Variants in CYP2C19 observed in about 807,000 individuals in gnomAD.
The protein encoded by CYP2C19 is cytochrome P450 2C19.
In CYP2C19, 59 loss-of-function variants were observed where a neutral mutation model predicts 40.9. That is an observed-to-expected ratio of 1.44 (90% CI 1.17 to 1.79). The LOEUF (loss-of-function observed/expected upper bound fraction) is 1.79. Among genes scored for constraint, CYP2C19 ranks in the 40% most tolerant of loss-of-function variants. The probability of loss-of-function intolerance (pLI) is 0.00; values close to 1 mark genes in which losing one functional copy is unlikely to be tolerated. For synonymous variants in CYP2C19, 253 were observed against 208.7 expected, an observed-to-expected ratio of 1.21 and a Z score of -1.83; for missense variants, 754 against 596.9, an observed-to-expected ratio of 1.26 and a Z score of -2.74.
chr10:94,849,030 C>T (rs181417907), intron 7 of CYP2C19, among the ~76,000 whole-genome samples: 3 of 152,252 alleles, frequency 2.0e-5, no homozygotes, highest in Admixed American at 6.5e-5. Context: ...CAAACAGGGA[C>T]AATTAGACTT....
At chr10:94,818,255 G>T (rs1849044373) in intron 5 of CYP2C19, among the ~76,000 whole-genome samples, 1 of 146,552 alleles carries the variant, frequency 6.8e-6, no homozygotes. Flanking sequence ...CTATATCTCT[G>T]TTTTGGTACC....
intron 5 of CYP2C19, among the ~76,000 whole-genome samples, chr10:94,785,033 T>C (rs536179113): frequency 3.5e-4 from 53 of 152,286 alleles, no homozygotes; most frequent in African/African-American, 1.3e-3. Context: ...TTTTTCTTTT[T>C]AAGCTATTAG....
intron 5 of CYP2C19, among the ~76,000 whole-genome samples, chr10:94,792,190 C>T (rs1227859112): frequency 2.0e-5 from 3 of 152,198 alleles, no homozygotes; most frequent in African/African-American, 7.2e-5. Flanking sequence ...GCAACCCCTG[C>T]ATTTTTTTGC....
At chr10:94,821,058 G>T (rs1439908518) in intron 6 of CYP2C19, among the ~76,000 whole-genome samples, 1 of 152,068 alleles carries the variant, frequency 6.6e-6, no homozygotes, top group Non-Finnish European at 1.5e-5. Flanking sequence ...ACTCTAGCCT[G>T]GGTGACAGAG....
intron 5 of CYP2C19, among the ~76,000 whole-genome samples, chr10:94,793,183 A>G (rs1365822094): frequency 6.6e-6 from 1 of 152,048 alleles, no homozygotes; most frequent in Non-Finnish European, 1.5e-5. Context: ...CATAGTTCTC[A>G]TGACATGGTT....
At position 94,805,099 on chromosome 10, in the gene CYP2C19, G is replaced by A. The variant is rs1291847481; in HGVS notation, c.820-15397G>A. ...AGAACTTCCAATACTATATTTAATAGTAGTAAAAGTGGACATCCTTGTTTT... is the reference window on the plus strand; with the variant it reads ...AGAACTTCCAATACTATATTTAATAATAGTAAAAGTGGACATCCTTGTTTT... On this transcript the variant is annotated intron_variant, in intron 5 of 8. Coordinates refer to ENST00000371321, the MANE Select transcript of CYP2C19 (RefSeq NM_000769.4). Among the ~76,000 whole-genome samples, 3 of 151,992 alleles carry A rather than the reference G, an allele frequency of 2.0e-5. No homozygotes were observed. In the East Asian group the frequency reaches 5.8e-4, roughly 29 times the overall value.
At chr10:94,820,700 G>T in intron 6 of CYP2C19, 63 bp downstream of exon 6, 1 of 1,595,760 alleles carries the variant, frequency 6.3e-7, no homozygotes. Flanking sequence ...TGCTGCTAGT[G>T]TTCTCCTTTC....
At chr10:94,823,963 G>A (rs1849170321) in intron 6 of CYP2C19, among the ~76,000 whole-genome samples, 1 of 152,200 alleles carries the variant, frequency 6.6e-6, no homozygotes, top group Admixed American at 6.5e-5. Flanking sequence ...TCAGAAGTGA[G>A]ATGAGACAGC....
chr10:94,852,384 C>A (rs995042944), intron 8 of CYP2C19, among the ~76,000 whole-genome samples: 1 of 152,168 alleles, frequency 6.6e-6, no homozygotes, highest in East Asian at 1.9e-4. Flanking sequence ...ACCCACTGGA[C>A]AGGTAATGTA....
chr10:94,817,971 C>A (rs1213418499), intron 5 of CYP2C19, among the ~76,000 whole-genome samples: 21 of 138,824 alleles, frequency 1.5e-4, no homozygotes, highest in African/African-American at 5.5e-4. Flanking sequence ...CGAGATCCCG[C>A]CACTGCACTC....
At chr10:94,807,588 T>C (rs1263357288) in intron 5 of CYP2C19, among the ~76,000 whole-genome samples, 1 of 152,150 alleles carries the variant, frequency 6.6e-6, no homozygotes, top group African/African-American at 2.4e-5. Flanking sequence ...CAATTCTAAC[T>C]GGAGTGAGCT....
At chr10:94,832,779 T>A (rs1287509580) in intron 6 of CYP2C19, among the ~76,000 whole-genome samples, 1 of 152,170 alleles carries the variant, frequency 6.6e-6, no homozygotes, top group African/African-American at 2.4e-5. Flanking sequence ...TTTAAAGATT[T>A]TTTTTCTATT....
At chr10:94,820,821 A>G (rs1462686598) in intron 6 of CYP2C19, among the ~76,000 whole-genome samples, 184 bp downstream of exon 6, 3 of 152,204 alleles carry the variant, frequency 2.0e-5, no homozygotes, top group Non-Finnish European at 4.4e-5. Flanking sequence ...GCAGTGGCTC[A>G]TGATTGTAAT....
chr10:94,851,672 T>G (rs1006961202), intron 8 of CYP2C19, among the ~76,000 whole-genome samples: 3 of 152,034 alleles, frequency 2.0e-5, no homozygotes, highest in Non-Finnish European at 2.9e-5. Context: ...TGTTCCTTAT[T>G]GATAATACCC....
At position 94,852,948 on chromosome 10, in the gene CYP2C19, T is replaced by C; in HGVS notation, c.*34T>C. On this transcript the variant is annotated 3_prime_UTR_variant, in exon 9 of 9. Coordinates refer to ENST00000371321, the MANE Select transcript of CYP2C19 (RefSeq NM_000769.4). ...AGATGGTCTGGCTGCTCCTGTGCTG[T>C]CCCTGCAGCTCTCTTTCCTCTGGTC... 6.2e-7 allele frequency: 1 copy of C among 1,604,608 alleles called. No homozygotes were observed. Among genetic ancestry groups the C allele is most frequent in the Non-Finnish European group, 8.5e-7 (1 of 1,172,806 alleles).
At chr10:94,804,468 A>G (rs1848806603) in intron 5 of CYP2C19, among the ~76,000 whole-genome samples, 1 of 152,212 alleles carries the variant, frequency 6.6e-6, no homozygotes, top group South Asian at 2.1e-4. Context: ...ATGCTCCCAT[A>G]TTAAAAGCAG....
intron 7 of CYP2C19, among the ~76,000 whole-genome samples, chr10:94,847,053 C>T (rs1341725440): frequency 6.6e-6 from 1 of 151,142 alleles, no homozygotes; most frequent in Non-Finnish European, 1.5e-5. Flanking sequence ...ACAGAGACTT[C>T]AACTTTATTT....
chr10:94,849,581 T>G (rs1849621528), intron 7 of CYP2C19, among the ~76,000 whole-genome samples: 1 of 150,488 alleles, frequency 6.6e-6, no homozygotes, highest in Non-Finnish European at 1.5e-5. Context: ...GCTGCACCCA[T>G]TAACTCATCA....
chr10:94,763,465 G>A (rs1564657155), intron 1 of CYP2C19, among the ~76,000 whole-genome samples: 1 of 152,140 alleles, frequency 6.6e-6, no homozygotes, highest in Non-Finnish European at 1.5e-5. Context: ...ATAGTAGAAA[G>A]AGGGTTAGAA....
Sources: gnomAD v4.1 joint callset for allele counts (sites outside exome capture counted in the v4.1 genomes callset) on GRCh38, gnomAD v4.1.1 for gene constraint, MANE v1.5 for transcripts, NCBI Gene and HGNC (gene_info 2026-07-23, HGNC 2026-07-21) for gene names.